The following PTPDC1 variants were observed in gnomAD, a reference collection of about 807,000 sequenced individuals.
The protein encoded by PTPDC1 is protein tyrosine phosphatase domain containing 1, also known as protein tyrosine phosphatase domain-containing protein 1.
Under a neutral mutation model 75.3 loss-of-function variants are expected in PTPDC1, and 53 were observed. That is an observed-to-expected ratio of 0.70 (90% confidence interval 0.56 to 0.88). The LOEUF is 0.88. Among genes scored for constraint, PTPDC1 ranks in the 40% least tolerant of loss-of-function variants. PTPDC1 has a pLI of 0.00. For missense variants in PTPDC1, 925 were observed against 998.6 expected (o/e 0.93, Z 0.99); for synonymous variants, 349 against 366.2 (o/e 0.95, Z 0.54).
In PTPDC1 at chr9:94,098,335, G is replaced by C. The variant is rs1442580615; in HGVS notation, c.1769G>C (p.Gly590Ala). ...QCKTHGVGSP[G>A]SVRQNSRTPR... ...AAAACTCATGGTGTTGGGAGCCCTG[G>C]CTCTGTCAGGCAGAACAGCAGGACA... The change falls in exon 6 of 9, where the codon GGC (glycine) becomes GCC (alanine). Residue 590 changes from glycine to alanine, a missense_variant. Physicochemically the swap from Gly to Ala is moderately conservative, Grantham distance 60. Coordinates refer to ENST00000620992, the MANE Select transcript of PTPDC1 (RefSeq NM_001253829.2). 5 of 1,614,092 alleles carry C rather than the reference G, an allele frequency of 3.1e-6. No individual in the cohort carries two copies. The East Asian group carries it at 1.1e-4, about 36-fold the overall frequency.
chr9:94,050,001 C>T (rs552406442), intron 1 of PTPDC1, among the ~76,000 whole-genome samples: 44 of 152,300 alleles, frequency 2.9e-4, no homozygotes, highest in Admixed American at 5.9e-4. Flanking sequence ...TCCAGTTGAT[C>T]GAATCGGCTA....
intron 2 of PTPDC1, among the ~76,000 whole-genome samples, chr9:94,075,272 A>C (rs776339570): frequency 1.7e-4 from 26 of 152,132 alleles, no homozygotes; most frequent in Admixed American, 8.5e-4. Flanking sequence ...AGAGCACCAC[A>C]TGGTCCTTCT....
chr9:94,043,708 G>T (rs1190722867), intron 1 of PTPDC1, among the ~76,000 whole-genome samples: 5 of 152,154 alleles, frequency 3.3e-5, no homozygotes, highest in Admixed American at 6.5e-5. Context: ...GTGACAGAGT[G>T]AGACCCTGTC....
chr9:94,101,593 T>G lies in PTPDC1; in HGVS notation c.2041T>G (p.Trp681Gly). ...QKELNSRDGAWERICGERDPF... is the reference protein window; with the variant it reads ...QKELNSRDGAGERICGERDPF... ...AGAGCTTAATTCCCGAGATGGAGCT[T>G]GGGAAAGAATATGTGGCGAGAGGGA... The change falls in exon 7 of 9, where the codon TGG becomes GGG. Residue 681 changes from tryptophan (W) to glycine (G), a missense_variant. Transcript: ENST00000620992. 6.2e-7 allele frequency: 1 copy of G among 1,612,962 alleles called. No individual in the cohort carries two copies. The highest frequency in any genetic ancestry group is 8.5e-7 in the Non-Finnish European group (1 of 1,179,408).
rs1250104803 is a variant in PTPDC1 at position 94,088,133 on chromosome 9, T to G, written c.498-12T>G. ...AGCTCCCAATATGACTGACTGCCCT[T>G]TTTCCTTTAAGCCATGGCATAAAAA... is the stretch of plus-strand genomic sequence containing the variant. On this transcript the variant is annotated splice_polypyrimidine_tract_variant and intron_variant, in intron 3 of 8. Coordinates refer to ENST00000620992, the MANE Select transcript of PTPDC1 (RefSeq NM_001253829.2). 4 of 1,610,736 alleles carry G rather than the reference T, an allele frequency of 2.5e-6. No homozygotes were observed. The highest frequency in any genetic ancestry group is 1.7e-5 in the Admixed American group (1 of 59,324).
At position 94,037,264 on chromosome 9, in the gene PTPDC1, C is replaced by T. The variant is rs2118390196; in HGVS notation, c.-7+6137C>T. 2.6e-5 allele frequency among the ~76,000 whole-genome samples: 4 copies of T among 152,296 alleles called. No individual in the cohort carries two copies. In the Middle Eastern group the frequency reaches 0.01, roughly 391 times the overall value. On this transcript the variant is annotated intron_variant, in intron 1 of 9. Transcript: ENST00000375360. ...ATTGCCTATTTAATTAGTGTTGTGACTGTTTTTATTTTATTCTGTTCCCAA... is the reference window on the plus strand; with the variant it reads ...ATTGCCTATTTAATTAGTGTTGTGATTGTTTTTATTTTATTCTGTTCCCAA...
chr9:94,096,491 A>G (rs1827572050), intron 5 of PTPDC1, among the ~76,000 whole-genome samples: 1 of 152,216 alleles, frequency 6.6e-6, no homozygotes, highest in Non-Finnish European at 1.5e-5. Flanking sequence ...GGGATCACAC[A>G]GGTGTATTTG....
intron 1 of PTPDC1, among the ~76,000 whole-genome samples, chr9:94,049,819 G>A (rs1825730656): frequency 6.6e-6 from 1 of 152,202 alleles, no homozygotes; most frequent in Non-Finnish European, 1.5e-5. Flanking sequence ...TTTCCAACTT[G>A]GTTCCATTCT....
At chr9:94,083,380 A>G (rs1826955144), upstream of PTPDC1, among the ~76,000 whole-genome samples, 1 of 152,266 alleles carries the variant, frequency 6.6e-6, no homozygotes, top group Non-Finnish European at 1.5e-5. Flanking sequence ...TCCCTGTCTT[A>G]TTCGACAAAA....
upstream of PTPDC1, among the ~76,000 whole-genome samples, chr9:94,080,988 C>CTTTTTTT (rs1254750314): frequency 5.8e-3 from 734 of 127,370 alleles, 10 homozygotes; most frequent in African/African-American, 7.4e-3. Context: ...TTTTCTTTTT[C>CTTTTTTT]TTTTTCTTTT....
intron 1 of PTPDC1, among the ~76,000 whole-genome samples, chr9:94,057,588 C>A (rs1825985463): frequency 1.3e-5 from 2 of 152,184 alleles, no homozygotes; most frequent in African/African-American, 4.8e-5. Context: ...ACACACACCC[C>A]TTTCTTCATC....
chr9:94,086,374 G>A (rs1054671342), intron 2 of PTPDC1, among the ~76,000 whole-genome samples: 3 of 152,170 alleles, frequency 2.0e-5, no homozygotes, highest in African/African-American at 7.2e-5. Context: ...ACTAAATCAT[G>A]TGAGTCTTTT....
intron 5 of PTPDC1, 80 bp from the exon 6 acceptor site, chr9:94,097,241 T>G: frequency 2.2e-6 from 2 of 923,562 alleles, no homozygotes; most frequent in South Asian, 3.4e-5. Context: ...ATTCAAATTG[T>G]AAATCATCAA....
At position 94,101,575 on chromosome 9, in the gene PTPDC1, A is replaced by C; in HGVS notation, c.2023A>C (p.Asn675His). ...RKVEMWQKEL[N>H]SRDGAWERIC... The stretch of plus-strand genomic sequence containing the variant: ...TTCTCTTCCTTTTTAGAAAGAGCTT[A>C]ATTCCCGAGATGGAGCTTGGGAAAG... Residue 675 changes from asparagine to histidine, a missense_variant, in exon 7 of 9, where the codon AAT (asparagine) becomes CAT (histidine). Physicochemically the swap from Asn to His is moderately conservative, Grantham distance 68 (BLOSUM62 1). Coordinates refer to ENST00000620992, the MANE Select transcript of PTPDC1 (RefSeq NM_001253829.2). The C allele has an allele frequency of 1.2e-6, 2 of 1,612,020 alleles. No individual in the cohort carries two copies. The highest frequency in any genetic ancestry group is 1.7e-6 in the Non-Finnish European group (2 of 1,178,928).
chr9:94,096,890 T>A (rs1827591702), intron 5 of PTPDC1, among the ~76,000 whole-genome samples: 1 of 152,082 alleles, frequency 6.6e-6, no homozygotes, highest in Non-Finnish European at 1.5e-5. Context: ...ACACAAAGTG[T>A]ATGGATTGAT....
chr9:94,099,426 A>G (rs941160091), intron 6 of PTPDC1, among the ~76,000 whole-genome samples: 10 of 152,176 alleles, frequency 6.6e-5, no homozygotes, highest in Admixed American at 2.6e-4. Context: ...AATTATTTTA[A>G]TAGCTCGCTT....
At chr9:94,095,211 A>G (rs1223597701) in intron 4 of PTPDC1, 106 bp from the exon 5 acceptor site, 1 of 814,998 alleles carries the variant, frequency 1.2e-6, no homozygotes, top group East Asian at 2.5e-5. Context: ...ATGCACTGAG[A>G]TCTACATGCC....
intron 1 of PTPDC1, among the ~76,000 whole-genome samples, chr9:94,033,617 T>C (rs922451195): frequency 1.3e-5 from 2 of 152,230 alleles, no homozygotes; most frequent in Non-Finnish European, 2.9e-5. Flanking sequence ...GTGACATTTA[T>C]ATGAGACAGC....
Position 94,098,393 on chromosome 9 carries a change from C to T in PTPDC1, c.1827C>T (p.Pro609=), listed in dbSNP as rs1827699195. The T allele has an allele frequency of 1.9e-6, 3 of 1,614,180 alleles. No homozygotes were observed. Among genetic ancestry groups the T allele is most frequent in the African/African-American group, 2.7e-5 (2 of 75,038 alleles). Residue 609 remains proline (P), a synonymous_variant, in exon 6 of 9, where the codon CCC becomes CCT. Coordinates refer to ENST00000620992, the MANE Select transcript of PTPDC1 (RefSeq NM_001253829.2). Reference sequence around the variant, plus strand: ...GCCCTCTGGACTGTGGCTCCAGTCCCAAAGCACAGTTCTTGGTTGAACATG... The same window carrying T: ...GCCCTCTGGACTGTGGCTCCAGTCCTAAAGCACAGTTCTTGGTTGAACATG... ...PRSPLDCGSS[P]KAQFLVEHET...
Sources: gnomAD v4.1 joint callset for allele counts (sites outside exome capture counted in the v4.1 genomes callset) on GRCh38, gnomAD v4.1.1 for gene constraint, MANE v1.5 for transcripts, NCBI Gene and HGNC (gene_info 2026-07-23, HGNC 2026-07-21) for gene names.